The following INSRR variants were observed in gnomAD, a reference collection of about 807,000 sequenced individuals.
The protein encoded by INSRR is insulin receptor related receptor, also known as insulin receptor-related protein.
In INSRR, 114 loss-of-function variants were observed where a neutral mutation model predicts 130.0. That is an observed-to-expected ratio of 0.88 (90% confidence interval 0.75 to 1.02). INSRR has a LOEUF of 1.02. Among genes scored for constraint, INSRR ranks in the 50% least tolerant of loss-of-function variants. The probability of loss-of-function intolerance (pLI) is 0.00; values close to 1 mark genes in which losing one functional copy is unlikely to be tolerated. For synonymous variants in INSRR, 674 were observed against 705.2 expected (o/e 0.96, Z 0.70); for missense variants, 1,657 against 1,735.2 (o/e 0.95, Z 0.80).
At position 156,854,454 on chromosome 1, in the gene INSRR, G is replaced by T; in HGVS notation, c.86-151C>A. Reference sequence around the variant, plus strand: ...GGGTGTGGGGTGGCCTCCTTCCTGGGCCCCGGAGGGCTCACCTGCAGCCTG... The same window carrying T: ...GGGTGTGGGGTGGCCTCCTTCCTGGTCCCCGGAGGGCTCACCTGCAGCCTG... On this transcript the variant is annotated intron_variant, in intron 1 of 21. Transcript: ENST00000368195. The surrounding 1 kb of genome is among the most constrained non-coding windows in gnomAD (Gnocchi z 4.2). 3.8e-6 allele frequency: 3 copies of T among 791,102 alleles called. No individual in the cohort carries two copies. The highest frequency in any genetic ancestry group is 2.7e-5 in the East Asian group (1 of 37,068). The allele number at this position is 791,102 out of a possible 1,614,324, so 49.0% of individuals were successfully genotyped here. A position where few individuals can be genotyped will look rare whatever the true frequency, so the allele number is the denominator to read the frequency against.
In INSRR at chr1:156,851,914, A is replaced by G. The variant is rs1275929948; in HGVS notation, c.915T>C (p.Pro305=). 6.3e-7 allele frequency: 1 copy of G among 1,592,466 alleles called. No individual in the cohort carries two copies. Residue 305 remains proline, a synonymous_variant, in exon 3 of 22, where the codon CCT becomes CCC. Coordinates refer to ENST00000368195, the MANE Select transcript of INSRR (RefSeq NM_014215.3). Reference sequence around the variant, plus strand: ...TGCTGCTATTACGGGTGAAGCCAGAAGGGCACTGGGCCAGGCAACTGCCCT... The same window carrying G: ...TGCTGCTATTACGGGTGAAGCCAGAGGGGCACTGGGCCAGGCAACTGCCCT... The part of the protein sequence containing the change: ...IHQGSCLAQC[P]SGFTRNSSSI...
In INSRR at chr1:156,851,970, GCA is replaced by G. The variant is rs1406839762; in HGVS notation, c.857_858del (p.Val286AlafsTer25). The G allele has an allele frequency of 6.2e-7, 1 of 1,608,734 alleles. No homozygotes were observed. The highest frequency in any genetic ancestry group is 8.5e-7 in the Non-Finnish European group (1 of 1,175,996). On this transcript the variant is annotated frameshift_variant, in exon 3 of 22. Transcript: ENST00000368195. LOFTEE classifies it high-confidence loss of function. ...TAERCASLHS[V>X]PGRASTFGIH... ...ATGCCGAAGGTGGAGGCACGGCCGG[GCA>G]CAGAGTGCAGGCTGGCACAGCGCTC... is the stretch of plus-strand genomic sequence containing the variant.
intron 1 of INSRR, among the ~76,000 whole-genome samples, chr1:156,858,296 G>A (rs981945317): frequency 2.6e-5 from 4 of 152,170 alleles, no homozygotes; most frequent in African/African-American, 2.4e-5. Context: ...TAGTAGGGAC[G>A]GAAGATATCT....
rs376734232 is a variant in INSRR, at chr1:156,843,255, C to A, written c.2897-22G>T. 2.0e-5 allele frequency: 32 copies of A among 1,608,934 alleles called. No homozygotes were observed. The Middle Eastern group carries it at 8.2e-4, about 41-fold the overall frequency. ...TACACTGCAAGGAGGTGGAGGGTCACAAAGCGAGGATGCTGCTCTCTGCCA... is the reference window on the plus strand; with the variant it reads ...TACACTGCAAGGAGGTGGAGGGTCAAAAAGCGAGGATGCTGCTCTCTGCCA... On this transcript the variant is annotated intron_variant, in intron 16 of 21. Transcript: ENST00000368195.
intron 5 of INSRR, among the ~76,000 whole-genome samples, chr1:156,850,791 A>G (rs1163558544): frequency 6.7e-6 from 1 of 150,208 alleles, no homozygotes; most frequent in African/African-American, 2.5e-5. Context: ...TCCTGACCTC[A>G]AGTGATCCAC....
chr1:156,850,530 C>CTT (rs1558089282), intron 5 of INSRR, among the ~76,000 whole-genome samples: 12 of 107,194 alleles, frequency 1.1e-4, no homozygotes, highest in African/African-American at 4.6e-4. Flanking sequence ...TAATTTAAAA[C>CTT]ATTCTTTTTT....
In INSRR at chr1:156,851,901, G is replaced by A. The variant is rs760840016; in HGVS notation, c.928C>T (p.Arg310Cys). The A allele has an allele frequency of 6.9e-6, 11 of 1,586,230 alleles. No homozygotes were observed. Among genetic ancestry groups the A allele is most frequent in the Admixed American group, 3.4e-5 (2 of 58,604 alleles). ...CLAQCPSGFT[R>C]NSSSIFCHKC... ...CCCTACACTCACCTGCTGCTATTAC[G>A]GGTGAAGCCAGAAGGGCACTGGGCC... The change falls in exon 3 of 22, where the codon CGT (arginine) becomes TGT (cysteine). Residue 310 changes from arginine (R) to cysteine (C), a missense_variant. Physicochemically the swap from Arg to Cys is radical, Grantham distance 180. Transcript: ENST00000368195.
chr1:156,841,319 C>A, intron 21 of INSRR, 75 bp downstream of exon 21: 1 of 1,439,602 alleles, frequency 6.9e-7, no homozygotes, highest in Non-Finnish European at 9.7e-7. Context: ...AGGAGGTGAG[C>A]CAGAATCATG....
chr1:156,845,207 C>T lies in INSRR; in HGVS notation c.2306G>A (p.Arg769His). 1 of 1,609,642 alleles carries T rather than the reference C, an allele frequency of 6.2e-7. No homozygotes were observed. The highest frequency in any genetic ancestry group is 8.5e-7 in the Non-Finnish European group (1 of 1,178,258). Reference sequence around the variant, plus strand: ...CAGGCCGCTCAGCACCGCTCGCTCACGGGGCACCTTGTCCTCCTGGATCTC... The same window carrying T: ...CAGGCCGCTCAGCACCGCTCGCTCATGGGGCACCTTGTCCTCCTGGATCTC... ...DFEIQEDKVP[R>H]ERAVLSGLRH... is the part of the protein sequence containing the mutation. Residue 769 changes from arginine to histidine, a missense_variant, in exon 12 of 22, where the codon CGT becomes CAT. Transcript: ENST00000368195.
At chr1:156,848,712 C>T (rs1655093938) in intron 7 of INSRR, among the ~76,000 whole-genome samples, 1 of 152,210 alleles carries the variant, frequency 6.6e-6, no homozygotes, top group African/African-American at 2.4e-5. Flanking sequence ...TTCTCCATTT[C>T]ACTTGGTGAG....
chr1:156,849,513 G>GGGGGGGGGGGC, intron 5 of INSRR, 53 bp from the exon 6 acceptor site: 12 of 486,114 alleles, frequency 2.5e-5, no homozygotes, highest in East Asian at 5.4e-5. Context: ...CAGGGGGTGG[G>GGGGGGGGGGGC]AAAGGGGATG....
In INSRR at chr1:156,854,323, G is replaced by A. The variant is rs749125836; in HGVS notation, c.86-20C>T. The A allele has an allele frequency of 1.6e-5, 25 of 1,588,454 alleles. No homozygotes were observed. The highest frequency in any genetic ancestry group is 1.7e-4 in the Middle Eastern group (1 of 5,812). On this transcript the variant is annotated intron_variant, in intron 1 of 21. Transcript: ENST00000368195. The surrounding 1 kb of genome is among the most constrained non-coding windows in gnomAD (Gnocchi z 4.2). ...GGCACACTGTGGGCATACACGGCAC[G>A]CAGCATTGAGTACAGCCCAGGCCAA...
intron 6 of INSRR, 32 bp downstream of exon 6, chr1:156,849,214 C>G: frequency 1.2e-6 from 2 of 1,609,322 alleles, no homozygotes; most frequent in Non-Finnish European, 1.7e-6. Context: ...TGTGTGGCCG[C>G]GTGTCCACCG....
chr1:156,844,352 C>G (rs1654908798), intron 14 of INSRR, 72 bp from the exon 15 acceptor site: 1 of 1,559,930 alleles, frequency 6.4e-7, no homozygotes, highest in African/African-American at 1.4e-5. Context: ...GCTTCTCTTT[C>G]CATGCTGGGA....
rs750122799 is a variant in INSRR, at chr1:156,846,530, G to A, written c.1799C>T (p.Thr600Met). The A allele has an allele frequency of 1.7e-5, 28 of 1,613,454 alleles. No individual in the cohort carries two copies. Among genetic ancestry groups the A allele is most frequent in the East Asian group, 2.2e-5 (1 of 44,886 alleles). Reference protein sequence around the residue: ...GAQSPIVYLRTLPAAPTVPQD... With the variant: ...GAQSPIVYLRMLPAAPTVPQD... ...CTCCAAATGCCTACCTGCAGGCAGC[G>A]TTCGGAGGTAGACGATGGGACTCTG... Residue 600 changes from threonine to methionine, a missense_variant, in exon 8 of 22, where the codon ACG (threonine) becomes ATG (methionine). Coordinates refer to ENST00000368195, the MANE Select transcript of INSRR (RefSeq NM_014215.3).
At position 156,843,252 on chromosome 1, in the gene INSRR, T is replaced by TACACTGCAAGGAGGACATA. The variant is rs1298901045; in HGVS notation, c.2897-20_2897-19insTATGTCCTCCTTGCAGTGT. 6.2e-7 allele frequency: 1 copy of TACACTGCAAGGAGGACATA among 1,610,162 alleles called. No homozygotes were observed. Among genetic ancestry groups the TACACTGCAAGGAGGACATA allele is most frequent in the Non-Finnish European group, 8.5e-7 (1 of 1,176,756 alleles). On this transcript the variant is annotated intron_variant, in intron 16 of 21. Transcript: ENST00000368195. ...ACATACACTGCAAGGAGGTGGAGGG[T>TACACTGCAAGGAGGACATA]CACAAAGCGAGGATGCTGCTCTCTG...
Position 156,844,569 on chromosome 1 carries a change from T to G in INSRR, c.2630A>C (p.His877Pro). The change falls in exon 14 of 22, where the codon CAC (histidine) becomes CCC (proline). Residue 877 changes from histidine to proline, a missense_variant. By Grantham distance (77) the His-to-Pro change is moderately conservative. Transcript: ENST00000368195. ...RLRYAKFGGV[H>P]LALLPPGNYS... is the part of the protein sequence containing the mutation. ...GTTTCCAGGGGGCAGCAGGGCCAGG[T>G]GGACTCCCCCAAACTTCGCATATCG... 6.2e-7 allele frequency: 1 copy of G among 1,614,112 alleles called. No individual in the cohort carries two copies. The highest frequency in any genetic ancestry group is 8.5e-7 in the Non-Finnish European group (1 of 1,180,000).
intron 2 of INSRR, 127 bp downstream of exon 2, chr1:156,853,625 T>C (rs905116781): frequency 3.1e-6 from 3 of 969,796 alleles, no homozygotes; most frequent in Non-Finnish European, 4.6e-6. Context: ...ACCTGCCTCA[T>C]AGGATGAGTG....
chr1:156,857,285 C>G (rs1558093505), intron 1 of INSRR, among the ~76,000 whole-genome samples: 1 of 152,050 alleles, frequency 6.6e-6, no homozygotes, highest in Non-Finnish European at 1.5e-5. Flanking sequence ...CTATCCCTTC[C>G]AGGCAAAAGC....
Sources: gnomAD v4.1 joint callset for allele counts (sites outside exome capture counted in the v4.1 genomes callset) on GRCh38, gnomAD v4.1.1 for gene constraint, Gnocchi (gnomAD v3.1) non-coding constraint, MANE v1.5 for transcripts, NCBI Gene and HGNC (gene_info 2026-07-23, HGNC 2026-07-21) for gene names.